Variants in SLC36A2 observed in about 807,000 individuals in gnomAD.
SLC36A2 encodes the protein proton-coupled amino acid transporter 2.
Under a neutral mutation model 42.7 loss-of-function variants are expected in SLC36A2, and 39 were observed. The ratio of observed to expected loss-of-function variants is 0.91; its 90% CI spans 0.71 to 1.19. The LOEUF (loss-of-function observed/expected upper bound fraction) is 1.19, where lower values mean the gene tolerates loss of function less well. Ranked by LOEUF, SLC36A2 falls within the 50% of genes most tolerant of loss-of-function variation. The pLI, the probability that SLC36A2 is intolerant of heterozygous loss-of-function variation, is 0.00. For synonymous variants in SLC36A2, 237 were observed against 240.8 expected (o/e 0.98, Z 0.15); for missense variants, 590 against 613.7 (o/e 0.96, Z 0.41).
intron 7 of SLC36A2, among the ~76,000 whole-genome samples, chr5:151,326,966 C>T (rs1395734840): frequency 1.3e-5 from 2 of 152,110 alleles, no homozygotes; most frequent in Non-Finnish European, 2.9e-5. Flanking sequence ...GCATGTGCTG[C>T]CATGCCCGGC....
At position 151,317,080 on chromosome 5, in the gene SLC36A2, C is replaced by A. The variant is rs762483509; in HGVS notation, c.1189G>T (p.Ala397Ser). 2.0e-5 allele frequency: 33 copies of A among 1,613,912 alleles called. No homozygotes were observed. The highest frequency in any genetic ancestry group is 2.5e-5 in the Non-Finnish European group (29 of 1,180,002). Residue 397 changes from alanine (A) to serine (S), a missense_variant, in exon 10 of 10, where the codon GCC becomes TCC. Ala to Ser is a moderately conservative substitution (Grantham distance 99, BLOSUM62 1). Coordinates refer to ENST00000335244, the MANE Select transcript of SLC36A2 (RefSeq NM_181776.3). Reference sequence around the variant, plus strand: ...AGGTCCAGGCGGGGGATGAGGATGGCCAGGAGGCCTGCAGGGAGAGGATAG... The same window carrying A: ...AGGTCCAGGCGGGGGATGAGGATGGACAGGAGGCCTGCAGGGAGAGGATAG... Reference protein sequence around the residue: ...LVMVCLTCLLAILIPRLDLVI... With the variant: ...LVMVCLTCLLSILIPRLDLVI...
intron 8 of SLC36A2, 114 bp from the exon 9 acceptor site, chr5:151,322,329 T>C: frequency 8.2e-7 from 1 of 1,217,574 alleles, no homozygotes; most frequent in South Asian, 1.3e-5. Context: ...TTTCCCTTTC[T>C]GAAAATGACT....
At chr5:151,333,427 T>A in intron 6 of SLC36A2, 105 bp from the exon 7 acceptor site, 1 of 960,564 alleles carries the variant, frequency 1.0e-6, no homozygotes, top group Non-Finnish European at 1.7e-6. Flanking sequence ...TAAAATTGAA[T>A]ATCAAGAAGT....
chr5:151,324,220 G>A (rs1052121368), intron 8 of SLC36A2, among the ~76,000 whole-genome samples: 27 of 152,118 alleles, frequency 1.8e-4, no homozygotes, highest in African/African-American at 6.3e-4. Flanking sequence ...TTGGTTCACT[G>A]CAACCTCCAC....
rs781726384 is a variant in SLC36A2 at position 151,325,390 on chromosome 5, TC to T, written c.905del (p.Gly302GlufsTer28). ...ARHFPAILSL[G>X]MSIVTSLYIG... is the part of the protein sequence containing the mutation. Reference sequence around the variant, plus strand: ...TGTATAGGGAAGTGACGATGGACATTCCCAAAGACAGGATGGCTGGGAAGTG... The same window carrying T: ...TGTATAGGGAAGTGACGATGGACATTCCAAAGACAGGATGGCTGGGAAGTG... On this transcript the variant is annotated frameshift_variant, in exon 8 of 10. Transcript: ENST00000335244. LOFTEE classifies it high-confidence loss of function. 9.3e-6 allele frequency: 15 copies of T among 1,614,152 alleles called. No homozygotes were observed. In the African/African-American group the frequency reaches 1.9e-4, roughly 20 times the overall value.
intron 2 of SLC36A2, among the ~76,000 whole-genome samples, 198 bp downstream of exon 2, chr5:151,343,979 G>T (rs546507733): frequency 2.0e-5 from 3 of 152,090 alleles, no homozygotes; most frequent in African/African-American, 7.2e-5. Context: ...CATAGAGCAG[G>T]CAAATGACTT....
At chr5:151,339,031 C>T in intron 5 of SLC36A2, 29 bp downstream of exon 5, 4 of 1,539,198 alleles carry the variant, frequency 2.6e-6, no homozygotes, top group Non-Finnish European at 3.6e-6. Flanking sequence ...TCCATCTTTT[C>T]CCCTCCCGTT....
At chr5:151,327,756 C>T (rs966283258) in intron 7 of SLC36A2, among the ~76,000 whole-genome samples, 2 of 152,272 alleles carry the variant, frequency 1.3e-5, no homozygotes, top group Non-Finnish European at 2.9e-5. Flanking sequence ...CTTTCTTTCT[C>T]TCTCTCTCTC....
chr5:151,347,384 C>G lies in SLC36A2; in HGVS notation c.77G>C (p.Ser26Thr), dbSNP rs543130673. ...GTCCTTGTTCTCCAACTTCTTGGCACTTTCAGGAGGCGACATAAGGTCCAA... is the reference window on the plus strand; with the variant it reads ...GTCCTTGTTCTCCAACTTCTTGGCAGTTTCAGGAGGCGACATAAGGTCCAA... ...IKLDLMSPPESAKKLENKDST... is the reference protein window; with the variant it reads ...IKLDLMSPPETAKKLENKDST... The change falls in exon 1 of 10, where the codon AGT becomes ACT. Residue 26 changes from serine to threonine, a missense_variant. Ser to Thr is a moderately conservative substitution (Grantham distance 58, BLOSUM62 1). Coordinates refer to ENST00000335244, the MANE Select transcript of SLC36A2 (RefSeq NM_181776.3). The G allele has an allele frequency of 7.4e-6, 12 of 1,614,252 alleles. No individual in the cohort carries two copies. The highest frequency in any genetic ancestry group is 1.3e-5 in the African/African-American group (1 of 75,072).
chr5:151,346,777 A>G (rs913751109), intron 1 of SLC36A2, among the ~76,000 whole-genome samples: 5 of 152,140 alleles, frequency 3.3e-5, no homozygotes, highest in Admixed American at 6.5e-5. Context: ...GGAAAAAACT[A>G]GAACTTTCCA....
intron 7 of SLC36A2, among the ~76,000 whole-genome samples, chr5:151,327,455 A>T (rs180773266): frequency 6.6e-6 from 1 of 152,330 alleles, no homozygotes; most frequent in Non-Finnish European, 1.5e-5. Flanking sequence ...TCTGTCGTAC[A>T]TGCAAACTTC....
intron 4 of SLC36A2, among the ~76,000 whole-genome samples, chr5:151,340,900 T>C (rs981902321): frequency 6.6e-6 from 1 of 152,192 alleles, no homozygotes; most frequent in African/African-American, 2.4e-5. Context: ...TTATGACACA[T>C]TGTAGGTATT....
chr5:151,336,079 C>G (rs1416165115), intron 5 of SLC36A2, among the ~76,000 whole-genome samples: 1 of 151,994 alleles, frequency 6.6e-6, no homozygotes, highest in African/African-American at 2.4e-5. Flanking sequence ...TTCGCAGTGG[C>G]TATTTGTTAG....
At chr5:151,319,361 A>AT (rs1755617463) in intron 9 of SLC36A2, 1 of 153,242 alleles carries the variant, frequency 6.5e-6, no homozygotes, top group African/African-American at 2.4e-5. Context: ...CTTCAAAAAA[A>AT]GAAAATCAGT....
At chr5:151,338,241 A>C (rs928520115) in intron 5 of SLC36A2, among the ~76,000 whole-genome samples, 1 of 152,220 alleles carries the variant, frequency 6.6e-6, no homozygotes, top group African/African-American at 2.4e-5. Context: ...AGAGCCCTAA[A>C]GAATAGTTTT....
intron 5 of SLC36A2, among the ~76,000 whole-genome samples, chr5:151,338,049 A>G (rs1030566844): frequency 6.6e-6 from 1 of 152,226 alleles, no homozygotes; most frequent in African/African-American, 2.4e-5. Flanking sequence ...CTCGTCTGCA[A>G]AATGGGAATA....
chr5:151,345,851 T>A (rs2127302824), intron 1 of SLC36A2, among the ~76,000 whole-genome samples: 1 of 152,362 alleles, frequency 6.6e-6, no homozygotes, highest in South Asian at 2.1e-4. Flanking sequence ...GACTGTCATC[T>A]TATTCACAGC....
chr5:151,320,394 T>C (rs1018328178), intron 9 of SLC36A2, among the ~76,000 whole-genome samples: 2 of 93,928 alleles, frequency 2.1e-5, no homozygotes, highest in African/African-American at 8.0e-5. Context: ...CACTTTGTTA[T>C]GCAAAAAAAA....
At chr5:151,334,847 A>C (rs1337987647) in intron 6 of SLC36A2, among the ~76,000 whole-genome samples, 1 of 152,180 alleles carries the variant, frequency 6.6e-6, no homozygotes, top group African/African-American at 2.4e-5. Context: ...AATTAGTAAC[A>C]AGACACTTAT....
Sources: allele counts gnomAD v4.1 joint callset (sites outside exome capture counted in the v4.1 genomes callset), GRCh38; gene constraint gnomAD v4.1.1; transcripts MANE v1.5; gene names NCBI Gene and HGNC (gene_info 2026-07-23, HGNC 2026-07-21).